PPARA: variants seen among roughly 807,000 people sequenced by gnomAD.
The protein encoded by PPARA is peroxisome proliferator-activated receptor alpha.
In PPARA, 22 loss-of-function variants were observed where a neutral mutation model predicts 42.2. The ratio of observed to expected loss-of-function variants is 0.52; its 90% CI spans 0.37 to 0.74. The LOEUF is 0.74. Among genes scored for constraint, PPARA ranks in the 30% least tolerant of loss-of-function variants. The pLI is 0.00. For synonymous variants in PPARA, 242 were observed against 239.3 expected (o/e 1.01, Z -0.10); for missense variants, 465 against 608.2 (o/e 0.76, Z 2.48).
rs2147069820 is a variant in PPARA at position 46,150,605 on chromosome 22, C to T, written c.-257C>T. 6.9e-6 allele frequency: 1 copy of T among 144,480 alleles called. No individual in the cohort carries two copies. Among genetic ancestry groups the T allele is most frequent in the Admixed American group, 6.8e-5 (1 of 14,674 alleles). The allele number at this position is 144,480 out of a possible 1,614,324, so 8.9% of individuals were successfully genotyped here. A position where few individuals can be genotyped will look rare whatever the true frequency, so the allele number is the denominator to read the frequency against. The stretch of plus-strand genomic sequence containing the variant: ...GCTAGCGCCCTGCCCGGCGCCGCCT[C>T]CTTCGGCGTTCGCCCCACGGACCGG... On this transcript the variant is annotated 5_prime_UTR_variant, in exon 1 of 9. Transcript: ENST00000407236. The surrounding 1 kb of genome is among the most constrained non-coding windows in gnomAD (Gnocchi z 7.5).
rs543867727 is a variant in PPARA at position 46,161,607 on chromosome 22, T to A, written c.-127+9637T>A. Among the ~76,000 whole-genome samples, 1 of 151,936 alleles carries A rather than the reference T, an allele frequency of 6.6e-6. No individual in the cohort carries two copies. Among genetic ancestry groups the A allele is most frequent in the African/African-American group, 2.4e-5 (1 of 41,338 alleles). ...CAAAAATAATAAGTAAATAAATAAA[T>A]AAATAAAAATTAGAACTCAGAAAAG... On this transcript the variant is annotated intron_variant, in intron 2 of 8. Transcript: ENST00000407236. This position sits in a 1 kb window ranked among gnomAD's most constrained non-coding sequence, Gnocchi z 4.8.
In PPARA at chr22:46,234,997, G is replaced by C; in HGVS notation, c.1160-136G>C. ...AAACCTATGTCTATCTTCCAGTCAA[G>C]TTGACAATATCTAAAGGCAGCTCAG... On this transcript the variant is annotated intron_variant, in intron 8 of 8. Transcript: ENST00000407236. This position sits in a 1 kb window ranked among gnomAD's most constrained non-coding sequence, Gnocchi z 5.8. 8.1e-7 allele frequency: 1 copy of C among 1,229,774 alleles called. No individual in the cohort carries two copies. The highest frequency in any genetic ancestry group is 1.2e-6 in the Non-Finnish European group (1 of 847,356). The allele number at this position is 1,229,774 out of a possible 1,614,324, so 76.2% of individuals were successfully genotyped here.
In PPARA at chr22:46,231,661, G is replaced by A. The variant is rs563535493; in HGVS notation, c.712-131G>A. The A allele has an allele frequency of 1.1e-4, 98 of 882,068 alleles. No individual in the cohort carries two copies. In the African/African-American group the frequency reaches 1.3e-3, roughly 12 times the overall value. The allele number at this position is 882,068 out of a possible 1,614,324, so 54.6% of individuals were successfully genotyped here. On this transcript the variant is annotated intron_variant, in intron 7 of 8. Transcript: ENST00000407236. The surrounding 1 kb of genome is among the most constrained non-coding windows in gnomAD (Gnocchi z 7.7). ...TGAAGTTGAGTAAGGACTATGTTCC[G>A]CGGGTATCTTGAGTCCTCTGAGGCA...
At position 46,231,800 on chromosome 22, in the gene PPARA, C is replaced by A; in HGVS notation, c.720C>A (p.Val240=). 6.2e-7 allele frequency: 1 copy of A among 1,613,026 alleles called. No individual in the cohort carries two copies. Among genetic ancestry groups the A allele is most frequent in the South Asian group, 1.1e-5 (1 of 90,924 alleles). The change falls in exon 8 of 9, where the codon GTC becomes GTA. Residue 240 remains valine (V), a synonymous_variant. Coordinates refer to ENST00000407236, the MANE Select transcript of PPARA (RefSeq NM_005036.6). This position sits in a 1 kb window ranked among gnomAD's most constrained non-coding sequence, Gnocchi z 7.7. ...SGKASNNPPF[V]IHDMETLCMA... is the part of the protein sequence containing the mutation. ...GGTGTCCTCCTTTGTAGCCTTTTGT[C>A]ATACATGATATGGAGACACTGTGTA...
intron 2 of PPARA, among the ~76,000 whole-genome samples, chr22:46,159,520 A>G (rs1261324993): frequency 6.6e-6 from 1 of 152,214 alleles, no homozygotes; most frequent in Non-Finnish European, 1.5e-5. Context: ...ACAAGCAAGC[A>G]ATCAGAAGTG....
intron 2 of PPARA, among the ~76,000 whole-genome samples, chr22:46,158,370 G>A (rs1925638668): frequency 6.6e-6 from 1 of 152,032 alleles, no homozygotes; most frequent in South Asian, 2.1e-4. Flanking sequence ...TCGCACCACT[G>A]CACATCTCAG....
Position 46,237,234 on chromosome 22 carries a change from C to T in PPARA, c.*1854C>T, listed in dbSNP as rs1936245931. 1 of 151,992 alleles carries T rather than the reference C, an allele frequency of 6.6e-6. No individual in the cohort carries two copies. Among genetic ancestry groups the T allele is most frequent in the Non-Finnish European group, 1.5e-5 (1 of 68,012 alleles). 9.4% of individuals were successfully genotyped at this position (151,992 alleles called of 1,614,324 possible). ...GTGGGAAGGACACAGTGTGAGACTTCCACTAGAAAAAAGTGAAAGTTAGGG... is the reference window on the plus strand; with the variant it reads ...GTGGGAAGGACACAGTGTGAGACTTTCACTAGAAAAAAGTGAAAGTTAGGG... On this transcript the variant is annotated 3_prime_UTR_variant, in exon 9 of 9. Coordinates refer to ENST00000407236, the MANE Select transcript of PPARA (RefSeq NM_005036.6). This position sits in a 1 kb window ranked among gnomAD's most constrained non-coding sequence, Gnocchi z 6.7.
chr22:46,223,642 C>CAA (rs56992283), intron 7 of PPARA, among the ~76,000 whole-genome samples: 22 of 102,608 alleles, frequency 2.1e-4, no homozygotes, highest in African/African-American at 6.6e-4. Context: ...GACTCCATCT[C>CAA]AAAAAAAAAA....
At chr22:46,218,481 T>C (rs1174953513) in intron 6 of PPARA, 80 bp downstream of exon 6, 1 of 1,586,442 alleles carries the variant, frequency 6.3e-7, no homozygotes, top group Non-Finnish European at 8.6e-7. Context: ...GATCAAGCTA[T>C]GGATGAATGT....
chr22:46,181,288 T>C (rs767832877), intron 3 of PPARA, among the ~76,000 whole-genome samples: 10 of 152,132 alleles, frequency 6.6e-5, no homozygotes, highest in Non-Finnish European at 1.2e-4. Flanking sequence ...ACAGATCTCT[T>C]AGCACGGACT....
rs1859409575 is a variant in PPARA, at chr22:46,240,604, C to T, written c.*5224C>T. On this transcript the variant is annotated 3_prime_UTR_variant, in exon 9 of 9. Transcript: ENST00000407236. This position sits in a 1 kb window ranked among gnomAD's most constrained non-coding sequence, Gnocchi z 6.0. ...AATTATGCTGTCCATAGAAGTCACC[C>T]ATGAAGACTGATGCCACCACCTGAA... 5.2e-6 allele frequency: 1 copy of T among 191,106 alleles called. No homozygotes were observed. The highest frequency in any genetic ancestry group is 2.3e-5 in the African/African-American group (1 of 43,024). 11.8% of individuals were successfully genotyped at this position (191,106 alleles called of 1,614,324 possible).
intron 3 of PPARA, among the ~76,000 whole-genome samples, chr22:46,181,605 G>C (rs1228323726): frequency 6.6e-6 from 1 of 152,154 alleles, no homozygotes; most frequent in African/African-American, 2.4e-5. Context: ...CAAAGATTGA[G>C]GGTTCTGTGT....
rs560600031 is a variant in PPARA, at chr22:46,175,589, C to T, written c.-126-1164C>T. Among the ~76,000 whole-genome samples the T allele has an allele frequency of 7.7e-4, 117 of 152,172 alleles. 1 individual carries two copies. Among genetic ancestry groups the T allele is most frequent in the South Asian group, 4.8e-3 (23 of 4,812 alleles). The stretch of plus-strand genomic sequence containing the variant: ...ATTAGCCAAGCGTGGTGGCGGGCGC[C>T]TGTAGTCCCAGCTACTCGGGAGGCT... On this transcript the variant is annotated intron_variant, in intron 2 of 8. Coordinates refer to ENST00000407236, the MANE Select transcript of PPARA (RefSeq NM_005036.6).
At position 46,231,431 on chromosome 22, in the gene PPARA, G is replaced by C. The variant is rs1935863593; in HGVS notation, c.712-361G>C. 6.6e-6 allele frequency among the ~76,000 whole-genome samples: 1 copy of C among 151,992 alleles called. No homozygotes were observed. The highest frequency in any genetic ancestry group is 2.1e-4 in the South Asian group (1 of 4,810). ...AGACGGGGTTTCACCATGCTGGCCA[G>C]GCTGGTCTCGAACTCTTGACCTCAG... On this transcript the variant is annotated intron_variant, in intron 7 of 8. Transcript: ENST00000407236. The surrounding 1 kb of genome is among the most constrained non-coding windows in gnomAD (Gnocchi z 7.7).
In PPARA at chr22:46,165,780, A is replaced by T. The variant is rs1028406530; in HGVS notation, c.-126-10973A>T. On this transcript the variant is annotated intron_variant, in intron 2 of 8. Transcript: ENST00000407236. The surrounding 1 kb of genome is among the most constrained non-coding windows in gnomAD (Gnocchi z 5.5). Reference sequence around the variant, plus strand: ...AAGCAAGTGAATATCCTTCTGGAGGAACAGAGCCTCATCCTAGGCCTCTAA... The same window carrying T: ...AAGCAAGTGAATATCCTTCTGGAGGTACAGAGCCTCATCCTAGGCCTCTAA... Among the ~76,000 whole-genome samples the T allele has an allele frequency of 1.2e-4, 19 of 152,230 alleles. No homozygotes were observed. Among genetic ancestry groups the T allele is most frequent in the African/African-American group, 4.6e-4 (19 of 41,456 alleles).
At chr22:46,228,493 G>A (rs556530602) in intron 7 of PPARA, among the ~76,000 whole-genome samples, 4 of 152,200 alleles carry the variant, frequency 2.6e-5, no homozygotes, top group African/African-American at 9.6e-5. Context: ...TCGAGATCAC[G>A]CCACTGCACT....
rs1470592079 is a variant in PPARA, at chr22:46,167,794, A to G, written c.-126-8959A>G. Among the ~76,000 whole-genome samples the G allele has an allele frequency of 6.6e-6, 1 of 152,064 alleles. No individual in the cohort carries two copies. The highest frequency in any genetic ancestry group is 1.5e-5 in the Non-Finnish European group (1 of 68,008). On this transcript the variant is annotated intron_variant, in intron 2 of 8. Transcript: ENST00000407236. The surrounding 1 kb of genome is among the most constrained non-coding windows in gnomAD (Gnocchi z 4.1). Reference sequence around the variant, plus strand: ...ATGCTGGCTTACACCTGTCATTCCAATGCTTTGGGGGACCGAGGTGAGAGG... The same window carrying G: ...ATGCTGGCTTACACCTGTCATTCCAGTGCTTTGGGGGACCGAGGTGAGAGG...
rs1421415211 is a variant in PPARA at position 46,231,523 on chromosome 22, G to A, written c.712-269G>A. Among the ~76,000 whole-genome samples, 2 of 152,016 alleles carry A rather than the reference G, an allele frequency of 1.3e-5. No homozygotes were observed. The highest frequency in any genetic ancestry group is 4.8e-5 in the African/African-American group (2 of 41,396). ...GGCGTGAGCCACCATGCCCAGCCCA[G>A]TACTTCAGTTTCTTAGCGATGAAAT... On this transcript the variant is annotated intron_variant, in intron 7 of 8. Transcript: ENST00000407236. This position sits in a 1 kb window ranked among gnomAD's most constrained non-coding sequence, Gnocchi z 7.7.
rs1347363654 is a variant in PPARA at position 46,192,206 on chromosome 22, A to G, written c.-42-6136A>G. Among the ~76,000 whole-genome samples, 1 of 152,244 alleles carries G rather than the reference A, an allele frequency of 6.6e-6. No individual in the cohort carries two copies. The highest frequency in any genetic ancestry group is 1.9e-4 in the East Asian group (1 of 5,200). ...TCTAGTAGGAGAGACAGACACGTAAAAAGTTTCAACAGCACAGATAATCAG... is the reference window on the plus strand; with the variant it reads ...TCTAGTAGGAGAGACAGACACGTAAGAAGTTTCAACAGCACAGATAATCAG... On this transcript the variant is annotated intron_variant, in intron 3 of 8. Transcript: ENST00000407236. The surrounding 1 kb of genome is among the most constrained non-coding windows in gnomAD (Gnocchi z 4.3).
Sources: allele counts gnomAD v4.1 joint callset (sites outside exome capture counted in the v4.1 genomes callset), GRCh38; gene constraint gnomAD v4.1.1; non-coding constraint Gnocchi (gnomAD v3.1); transcripts MANE v1.5; gene names NCBI Gene and HGNC (gene_info 2026-07-23, HGNC 2026-07-21).